Variants in DPYD observed in about 807,000 individuals in gnomAD.
DPYD encodes the protein dihydropyrimidine dehydrogenase, also known as dihydropyrimidine dehydrogenase [NADP(+)].
DPYD carries 109 observed loss-of-function variants against 116.2 expected under a neutral mutation model. That is an observed-to-expected ratio of 0.94 (90% CI 0.80 to 1.10). The LOEUF is 1.10. Ranked by LOEUF, DPYD falls within the 50% of genes least tolerant of loss-of-function variation. The probability of loss-of-function intolerance (pLI) is 0.00; values close to 1 mark genes in which losing one functional copy is unlikely to be tolerated. For synonymous variants in DPYD, 440 were observed against 432.0 expected, an observed-to-expected ratio of 1.02 and a Z score of -0.23; for missense variants, 1,302 against 1,254.5, an observed-to-expected ratio of 1.04 and a Z score of -0.57.
At position 97,261,867 on chromosome 1, in the gene DPYD, T is replaced by C. The variant is rs147788737; in HGVS notation, c.2300-26873A>G. 3.9e-4 allele frequency among the ~76,000 whole-genome samples: 59 copies of C among 152,202 alleles called. No homozygotes were observed. The East Asian group carries it at 0.01, about 26-fold the overall frequency. On this transcript the variant is annotated intron_variant, in intron 18 of 22. Transcript: ENST00000370192. ...CTCCGTAAGTTTTTTTCATCATTCA[T>C]GTGACTTCTACCTGATAATTCCTTA...
chr1:97,202,121 G>T (rs1443424433), intron 19 of DPYD, among the ~76,000 whole-genome samples: 2 of 152,082 alleles, frequency 1.3e-5, no homozygotes, highest in Non-Finnish European at 2.9e-5. Flanking sequence ...GGGAAAAAAA[G>T]AACAACAAAC....
At chr1:97,422,529 T>C (rs1477227822) in intron 14 of DPYD, among the ~76,000 whole-genome samples, 1 of 152,078 alleles carries the variant, frequency 6.6e-6, no homozygotes, top group Non-Finnish European at 1.5e-5. Context: ...TTAGAATGTA[T>C]TTTTCTGGTC....
At chr1:97,304,714 G>C (rs1667057659) in intron 18 of DPYD, among the ~76,000 whole-genome samples, 1 of 151,954 alleles carries the variant, frequency 6.6e-6, no homozygotes, top group African/African-American at 2.4e-5. Context: ...AGGACCTTGA[G>C]ATTAAAACCT....
intron 8 of DPYD, among the ~76,000 whole-genome samples, chr1:97,639,814 T>C (rs1657780552): frequency 6.6e-6 from 1 of 152,184 alleles, no homozygotes; most frequent in Admixed American, 6.5e-5. Flanking sequence ...GAGGCTTTAA[T>C]ACCAATTTTT....
chr1:97,647,308 T>G (rs561490496), intron 8 of DPYD, among the ~76,000 whole-genome samples: 1 of 152,166 alleles, frequency 6.6e-6, no homozygotes, highest in Non-Finnish European at 1.5e-5. Flanking sequence ...TTATAAGTAA[T>G]CTTATATTTG....
In DPYD at chr1:97,540,380, AACAAAACAAAAC is replaced by A. The variant is rs1420148341; in HGVS notation, c.1524+9168_1524+9179del. 6.2e-4 allele frequency among the ~76,000 whole-genome samples: 93 copies of A among 150,776 alleles called. 1 individual carries two copies. The highest frequency in any genetic ancestry group is 2.1e-3 in the African/African-American group (88 of 41,392). On this transcript the variant is annotated intron_variant, in intron 12 of 22. Coordinates refer to ENST00000370192, the MANE Select transcript of DPYD (RefSeq NM_000110.4). ...CAGGGAACAAAACAAAACAAAACAA[AACAAAACAAAAC>A]AAAAACCAAACTTTTACTAGTTTAT...
intron 20 of DPYD, among the ~76,000 whole-genome samples, chr1:97,176,709 T>C (rs567494755): frequency 2.1e-3 from 321 of 152,166 alleles, no homozygotes; most frequent in Non-Finnish European, 3.4e-3. Flanking sequence ...AAGCTGAATA[T>C]AGGAATGTGT....
At chr1:97,284,422 G>C (rs1392996283) in intron 18 of DPYD, among the ~76,000 whole-genome samples, 3 of 151,916 alleles carry the variant, frequency 2.0e-5, no homozygotes, top group Non-Finnish European at 4.4e-5. Context: ...AAAGAATTAA[G>C]CTTTTTCATA....
intron 2 of DPYD, among the ~76,000 whole-genome samples, chr1:97,843,702 A>C (rs567348335): frequency 9.9e-5 from 15 of 152,276 alleles, no homozygotes; most frequent in African/African-American, 3.4e-4. Context: ...AACACTCCAT[A>C]ATTATTTTCA....
chr1:97,197,278 G>A (rs1321985774), intron 19 of DPYD, among the ~76,000 whole-genome samples: 4 of 151,820 alleles, frequency 2.6e-5, no homozygotes, highest in African/African-American at 9.7e-5. Flanking sequence ...CCTCCACAGG[G>A]GTATTTTTTT....
intron 16 of DPYD, among the ~76,000 whole-genome samples, chr1:97,314,688 A>C (rs78361288): frequency 6.6e-6 from 1 of 151,818 alleles, no homozygotes; most frequent in East Asian, 2.0e-4. Context: ...AAGCTGTTCA[A>C]ATTTCAGATC....
intron 3 of DPYD, among the ~76,000 whole-genome samples, chr1:97,785,230 A>G (rs1666955272): frequency 6.6e-6 from 1 of 152,180 alleles, no homozygotes. Context: ...TTTAATAATT[A>G]TGCATATTTC....
At chr1:97,612,645 A>G (rs1656016366) in intron 8 of DPYD, among the ~76,000 whole-genome samples, 2 of 152,124 alleles carry the variant, frequency 1.3e-5, no homozygotes, top group Non-Finnish European at 2.9e-5. Context: ...TATAAGACAT[A>G]TATCATTTAT....
chr1:97,811,554 C>A (rs568647287), intron 3 of DPYD, among the ~76,000 whole-genome samples: 2 of 152,214 alleles, frequency 1.3e-5, no homozygotes, highest in African/African-American at 4.8e-5. Flanking sequence ...ACCCCTCTTT[C>A]TTAAAGAAAA....
intron 18 of DPYD, among the ~76,000 whole-genome samples, chr1:97,240,121 GT>G (rs1184893024): frequency 6.6e-6 from 1 of 151,838 alleles, no homozygotes; most frequent in African/African-American, 2.4e-5. Context: ...GACCATACAT[GT>G]CCCCTCCTTT....
intron 20 of DPYD, among the ~76,000 whole-genome samples, chr1:97,169,866 C>T (rs1177223586): frequency 6.6e-6 from 1 of 152,144 alleles, no homozygotes; most frequent in Non-Finnish European, 1.5e-5. Context: ...TCAGAAACAT[C>T]CTTGGAGCTC....
At chr1:97,648,795 C>A (rs1358185003) in intron 8 of DPYD, among the ~76,000 whole-genome samples, 1 of 151,866 alleles carries the variant, frequency 6.6e-6, no homozygotes, top group Non-Finnish European at 1.5e-5. Context: ...AAAAATAGAA[C>A]AAAGAATTGT....
intron 14 of DPYD, chr1:97,394,202 A>C (rs1162290659): frequency 6.6e-6 from 1 of 152,146 alleles, no homozygotes; most frequent in Non-Finnish European, 1.5e-5. Context: ...GCCCTTTGTC[A>C]GATGAGCAGA....
intron 8 of DPYD, among the ~76,000 whole-genome samples, chr1:97,667,684 C>A (rs1034655599): frequency 2.6e-5 from 4 of 151,928 alleles, no homozygotes; most frequent in Admixed American, 1.3e-4. Flanking sequence ...AACAGAGTTG[C>A]CAAATTATCT....
Sources: gnomAD v4.1 joint callset for allele counts (sites outside exome capture counted in the v4.1 genomes callset) on GRCh38, gnomAD v4.1.1 for gene constraint, MANE v1.5 for transcripts, NCBI Gene and HGNC (gene_info 2026-07-23, HGNC 2026-07-21) for gene names.